Variants in BMPR1B observed in about 807,000 individuals in gnomAD.
BMPR1B encodes bone morphogenetic protein receptor type 1B.
A neutral mutation model predicts 59.1 loss-of-function variants in BMPR1B; 12 were observed. The observed-to-expected ratio is 0.20, with a 90% CI of 0.13 to 0.33. The LOEUF is 0.33. Among genes scored for constraint, BMPR1B ranks in the 10% least tolerant of loss-of-function variants. The pLI, the probability that BMPR1B is intolerant of heterozygous loss-of-function variation, is 1.00. For missense variants in BMPR1B, 550 were observed against 610.9 expected, an observed-to-expected ratio of 0.90 and a Z score of 1.05; for synonymous variants, 237 against 207.3, an observed-to-expected ratio of 1.14 and a Z score of -1.23.
chr4:95,088,503 A>T (rs1729754230), intron 3 of BMPR1B, among the ~76,000 whole-genome samples: 1 of 152,158 alleles, frequency 6.6e-6, no homozygotes, highest in Non-Finnish European at 1.5e-5. Flanking sequence ...AACTTTTAGG[A>T]TATAATGATC....
chr4:95,043,674 T>C (rs956905781), intron 3 of BMPR1B, among the ~76,000 whole-genome samples: 3 of 152,234 alleles, frequency 2.0e-5, no homozygotes, highest in Non-Finnish European at 2.9e-5. Context: ...TGGATTTGAT[T>C]GTGCTGATGC....
intron 8 of BMPR1B, among the ~76,000 whole-genome samples, chr4:95,127,044 CTGTGTGTG>C (rs6148578): frequency 1.4e-5 from 2 of 146,364 alleles, no homozygotes; most frequent in Non-Finnish European, 3.0e-5. Flanking sequence ...AGAATTAAGA[CTGTGTGTG>C]TGTGTGTGTG....
rs970153846 is a variant in BMPR1B, at chr4:94,843,779, C to G, written c.-182-32052C>G. 4.2e-4 allele frequency among the ~76,000 whole-genome samples: 64 copies of G among 152,070 alleles called. 3 individuals are homozygous for G. The highest frequency in any genetic ancestry group is 4.1e-3 in the Admixed American group (63 of 15,260). On this transcript the variant is annotated intron_variant, in intron 1 of 12. Transcript: ENST00000515059. Reference sequence around the variant, plus strand: ...ATAATGGGGTGAAAAGCCTTACGAGCCGTTTCCTCTGTTCTCATTGAGGTG... The same window carrying G: ...ATAATGGGGTGAAAAGCCTTACGAGGCGTTTCCTCTGTTCTCATTGAGGTG...
chr4:94,990,076 G>C (rs898197270), intron 2 of BMPR1B, among the ~76,000 whole-genome samples: 1 of 152,186 alleles, frequency 6.6e-6, no homozygotes, highest in Non-Finnish European at 1.5e-5. Flanking sequence ...TATAAGTTGA[G>C]GCCGGGCATG....
intron 10 of BMPR1B, among the ~76,000 whole-genome samples, chr4:95,135,630 A>G (rs1394224295): frequency 6.6e-6 from 1 of 152,162 alleles, no homozygotes; most frequent in Admixed American, 6.6e-5. Context: ...AGCAATTGTG[A>G]ATGGGAGTTC....
At chr4:94,852,695 C>T (rs1725611976) in intron 1 of BMPR1B, among the ~76,000 whole-genome samples, 2 of 152,030 alleles carry the variant, frequency 1.3e-5, no homozygotes, top group Admixed American at 1.3e-4. Context: ...CTTTTGATAT[C>T]ACTGTCTTAT....
chr4:95,012,807 G>A (rs1723315122), intron 3 of BMPR1B, among the ~76,000 whole-genome samples: 1 of 151,932 alleles, frequency 6.6e-6, no homozygotes, highest in Admixed American at 6.6e-5. Flanking sequence ...AGAATTACAA[G>A]TATTTACACA....
At chr4:95,149,968 A>C (rs748591100) in intron 11 of BMPR1B, among the ~76,000 whole-genome samples, 2 of 152,230 alleles carry the variant, frequency 1.3e-5, no homozygotes, top group African/African-American at 2.4e-5. Context: ...CACTCAATAC[A>C]TGTTAGCTAT....
intron 1 of BMPR1B, among the ~76,000 whole-genome samples, chr4:94,796,026 G>T (rs1723179689): frequency 2.7e-5 from 4 of 150,860 alleles, no homozygotes; most frequent in Non-Finnish European, 4.4e-5. Context: ...GTGCAATGAT[G>T]CAATCTCGGC....
At chr4:94,943,230 C>T (rs1287219270) in intron 2 of BMPR1B, among the ~76,000 whole-genome samples, 1 of 151,938 alleles carries the variant, frequency 6.6e-6, no homozygotes, top group African/African-American at 2.4e-5. Flanking sequence ...AACCTCTGCT[C>T]CCAGGTTCAA....
At chr4:94,903,353 T>A (rs1727904765) in intron 2 of BMPR1B, among the ~76,000 whole-genome samples, 1 of 151,984 alleles carries the variant, frequency 6.6e-6, no homozygotes, top group African/African-American at 2.4e-5. Flanking sequence ...TACTCCTGTC[T>A]CTATAGTGTC....
Position 95,125,127 on chromosome 4 carries a change from A to G in BMPR1B, c.585+6A>G, listed in dbSNP as rs1246476008. On this transcript the variant is annotated splice_donor_region_variant and intron_variant, in intron 8 of 12. Coordinates refer to ENST00000515059, the MANE Select transcript of BMPR1B (RefSeq NM_001203.3). ...GATCAGGCCTCCCTCTGCTGGTATG[A>G]GAAGAACACATCTTGAATTTAAAGG... 5 of 1,613,594 alleles carry G rather than the reference A, an allele frequency of 3.1e-6. No homozygotes were observed. The highest frequency in any genetic ancestry group is 4.2e-6 in the Non-Finnish European group (5 of 1,179,670).
In BMPR1B at chr4:95,157,111, G is replaced by A. The variant is rs1189093904; in HGVS notation, c.*2438G>A. 1 of 152,062 alleles carries A rather than the reference G, an allele frequency of 6.6e-6. No homozygotes were observed. The highest frequency in any genetic ancestry group is 1.5e-5 in the Non-Finnish European group (1 of 67,964). 9.4% of individuals were successfully genotyped at this position (152,062 alleles called of 1,614,324 possible). A position where few individuals can be genotyped will look rare whatever the true frequency, so the allele number is the denominator to read the frequency against. ...CTAGGGAGGTGTTGGTTCCAATGAAGGATGGGAAGAAATTAAAATAGTCTT... is the reference window on the plus strand; with the variant it reads ...CTAGGGAGGTGTTGGTTCCAATGAAAGATGGGAAGAAATTAAAATAGTCTT... On this transcript the variant is annotated 3_prime_UTR_variant, in exon 13 of 13. Coordinates refer to ENST00000515059, the MANE Select transcript of BMPR1B (RefSeq NM_001203.3).
At position 94,758,976 on chromosome 4, in the gene BMPR1B, G is replaced by C. The variant is rs573340770; in HGVS notation, c.-183+908G>C. ...CGCTCCCGGTCTTCCTGGCTCCCCT[G>C]TCTCTTGCTCTCTGCGCCCATCTCT... On this transcript the variant is annotated intron_variant, in intron 1 of 12. Transcript: ENST00000515059. Among the ~76,000 whole-genome samples the C allele has an allele frequency of 5.9e-5, 9 of 152,118 alleles. No homozygotes were observed. The East Asian group carries it at 1.7e-3, about 30-fold the overall frequency.
At chr4:95,011,059 G>A (rs1723191853) in intron 3 of BMPR1B, among the ~76,000 whole-genome samples, 2 of 151,736 alleles carry the variant, frequency 1.3e-5, no homozygotes, top group Admixed American at 6.6e-5. Flanking sequence ...ACCTGATTTT[G>A]TTAAATTTGT....
intron 1 of BMPR1B, among the ~76,000 whole-genome samples, chr4:94,772,578 C>T (rs1722225097): frequency 6.6e-6 from 1 of 151,942 alleles, no homozygotes; most frequent in Non-Finnish European, 1.5e-5. Context: ...CCAGTAGTCA[C>T]CACTTGATTT....
At position 95,154,962 on chromosome 4, in the gene BMPR1B, CTTT is replaced by C. The variant is rs11436086; in HGVS notation, c.*300_*302del. Reference sequence around the variant, plus strand: ...AGAAAGCCCTGTATTTTGTGATTGCCTTTTTTTTTTTTTAAGATGCTTTCATTT... The same window carrying C: ...AGAAAGCCCTGTATTTTGTGATTGCCTTTTTTTTTTAAGATGCTTTCATTT... On this transcript the variant is annotated 3_prime_UTR_variant, in exon 13 of 13. Transcript: ENST00000515059. 4.2e-5 allele frequency: 12 copies of C among 283,272 alleles called. No homozygotes were observed. The highest frequency in any genetic ancestry group is 1.5e-4 in the Admixed American group (3 of 20,434). The allele number at this position is 283,272 out of a possible 1,614,324, so 17.5% of individuals were successfully genotyped here. A position where few individuals can be genotyped will look rare whatever the true frequency, so the allele number is the denominator to read the frequency against.
At chr4:94,972,533 C>T (rs1303870978) in intron 2 of BMPR1B, among the ~76,000 whole-genome samples, 1 of 151,684 alleles carries the variant, frequency 6.6e-6, no homozygotes, top group Non-Finnish European at 1.5e-5. Flanking sequence ...TTTTGTAATA[C>T]TCTTATGTTT....
Position 94,883,236 on chromosome 4 carries a change from G to A in BMPR1B, c.-113+7336G>A, listed in dbSNP as rs74504016. On this transcript the variant is annotated intron_variant, in intron 2 of 12. Coordinates refer to ENST00000515059, the MANE Select transcript of BMPR1B (RefSeq NM_001203.3). ...GTGATGTGCATCTGAGGGAGAGAGT[G>A]TCTGTGAACTCTCTGAAACTACATG... 1.1e-4 allele frequency among the ~76,000 whole-genome samples: 16 copies of A among 152,234 alleles called. No individual in the cohort carries two copies. The East Asian group carries it at 3.1e-3, about 29-fold the overall frequency.
Sources: allele counts gnomAD v4.1 joint callset (sites outside exome capture counted in the v4.1 genomes callset), GRCh38; gene constraint gnomAD v4.1.1; transcripts MANE v1.5; gene names NCBI Gene and HGNC (gene_info 2026-07-23, HGNC 2026-07-21).